AFF2: variants seen among roughly 807,000 people sequenced by gnomAD.
The protein encoded by AFF2 is ALF transcription elongation factor 2.
In AFF2, 14 loss-of-function variants were observed where a neutral mutation model predicts 76.9. That is an observed-to-expected ratio of 0.18 (90% CI 0.12 to 0.28). The LOEUF is 0.28. Ranked by LOEUF, AFF2 falls within the 10% of genes least tolerant of loss-of-function variation. The pLI, the probability that AFF2 is intolerant of heterozygous loss-of-function variation, is 1.00. For missense variants in AFF2, 868 were observed against 1,001.1 expected (o/e 0.87, Z 1.79); for synonymous variants, 398 against 366.7 (o/e 1.09, Z -0.98).
intron 4 of AFF2, among the ~76,000 whole-genome samples, chrX:148,826,440 A>G (rs937639727): frequency 4.5e-5 from 5 of 111,598 alleles, no homozygotes; most frequent in African/African-American, 6.5e-5. Context: ...ATTGATGTTT[A>G]ACAAATACTT....
At chrX:148,799,311 A>C (rs1419526540) in intron 3 of AFF2, among the ~76,000 whole-genome samples, 1 of 111,494 alleles carries the variant, frequency 9.0e-6, no homozygotes, top group Non-Finnish European at 1.9e-5. Flanking sequence ...ATCAAACAAA[A>C]TGGTAATTTT....
chrX:148,890,563 T>C (rs1380175831), intron 8 of AFF2, among the ~76,000 whole-genome samples: 2 of 112,155 alleles, frequency 1.8e-5, no homozygotes, highest in African/African-American at 6.5e-5. Flanking sequence ...CCATCAGATA[T>C]GAATGACCTT....
chrX:148,785,140 TAC>T (rs2069801200), intron 3 of AFF2, among the ~76,000 whole-genome samples: 1 of 112,446 alleles, frequency 8.9e-6, no homozygotes, highest in Admixed American at 9.4e-5. Flanking sequence ...CATGCACATA[TAC>T]ACAGAGTCAC....
intron 7 of AFF2, among the ~76,000 whole-genome samples, chrX:148,847,535 GT>G (rs1196385775): frequency 9.0e-6 from 1 of 111,413 alleles, no homozygotes; most frequent in Admixed American, 9.5e-5. Context: ...CATAATGTTG[GT>G]TTTTTTTAAT....
chrX:148,765,137 C>T (rs1290167068), intron 3 of AFF2, among the ~76,000 whole-genome samples: 3 of 112,126 alleles, frequency 2.7e-5, no homozygotes, highest in Non-Finnish European at 3.8e-5. Context: ...CCTCACGCCT[C>T]GACCTCCCAA....
chrX:148,973,353 A>G, intron 15 of AFF2, 118 bp from the exon 16 acceptor site: 2 of 909,832 alleles, frequency 2.2e-6, no homozygotes, highest in Non-Finnish European at 3.1e-6. Context: ...GTGTCTCCAG[A>G]CATTGCCAAA....
At chrX:148,727,372 G>A (rs1396091874) in intron 3 of AFF2, among the ~76,000 whole-genome samples, 2 of 111,849 alleles carry the variant, frequency 1.8e-5, no homozygotes, top group African/African-American at 6.5e-5. Flanking sequence ...TGTGCATGTT[G>A]TATTTCCACC....
intron 3 of AFF2, among the ~76,000 whole-genome samples, chrX:148,688,796 G>A (rs1225815734): frequency 9.0e-6 from 1 of 111,513 alleles, no homozygotes; most frequent in Non-Finnish European, 1.9e-5. Context: ...CTACAAACCT[G>A]TATGGCAAGC....
intron 19 of AFF2, among the ~76,000 whole-genome samples, chrX:148,981,456 C>G (rs538689463): frequency 1.3e-4 from 14 of 111,084 alleles, no homozygotes; most frequent in Middle Eastern, 9.3e-3. Context: ...GCCCCTTCCT[C>G]TATCTGGGCT....
chrX:148,843,037 A>G, intron 6 of AFF2, 35 bp downstream of exon 6: 1 of 1,137,112 alleles, frequency 8.8e-7, no homozygotes, highest in South Asian at 1.9e-5. Flanking sequence ...TAGTCCAAAC[A>G]TCCATGTCCT....
intron 1 of AFF2, among the ~76,000 whole-genome samples, chrX:148,536,522 C>T (rs1290394034): frequency 1.8e-5 from 2 of 112,201 alleles, no homozygotes; most frequent in Non-Finnish European, 3.8e-5. Flanking sequence ...TATAACTTTT[C>T]TAAGTACTTG....
At chrX:148,939,235 T>A (rs1466738654) in intron 9 of AFF2, among the ~76,000 whole-genome samples, 1 of 111,900 alleles carries the variant, frequency 8.9e-6, no homozygotes, top group Non-Finnish European at 1.9e-5. Context: ...TTATCTATAC[T>A]ACTAGAAGAG....
intron 1 of AFF2, among the ~76,000 whole-genome samples, chrX:148,556,403 C>T (rs1167967127): frequency 5.4e-5 from 6 of 111,893 alleles, no homozygotes; most frequent in Non-Finnish European, 1.9e-5. Flanking sequence ...GTTATATCAG[C>T]ATTTTTGTTT....
intron 3 of AFF2, among the ~76,000 whole-genome samples, chrX:148,801,071 C>G (rs1557270867): frequency 2.7e-5 from 3 of 111,761 alleles, no homozygotes; most frequent in African/African-American, 9.8e-5. Flanking sequence ...ATCTGGCCTT[C>G]TGGATAATAT....
rs370517639 is a variant in AFF2 at position 148,570,219 on chromosome X, A to G, written c.47+69075A>G. ...ATCTACATGGTTATAGACCCTCAGTATGCTTAAGATGAAATTTCATATCAC... is the reference window on the plus strand; with the variant it reads ...ATCTACATGGTTATAGACCCTCAGTGTGCTTAAGATGAAATTTCATATCAC... On this transcript the variant is annotated intron_variant, in intron 1 of 20. Transcript: ENST00000370460. Among the ~76,000 whole-genome samples the G allele has an allele frequency of 8.1e-4, 91 of 112,021 alleles. 1 individual carries two copies. In the South Asian group the frequency reaches 0.033, roughly 40 times the overall value.
At chrX:148,905,074 G>A (rs1265416) in intron 9 of AFF2, among the ~76,000 whole-genome samples, 2,361 of 111,955 alleles carry the variant, frequency 0.021, 19 homozygotes, top group Non-Finnish European at 0.033. Context: ...CTTTATAGTT[G>A]GTACCAAATA....
In AFF2 at chrX:148,991,442, T is replaced by C; in HGVS notation, c.*110T>C. The C allele has an allele frequency of 1.6e-5, 14 of 901,572 alleles. No homozygotes were observed. Among genetic ancestry groups the C allele is most frequent in the Non-Finnish European group, 2.1e-5 (14 of 680,035 alleles). 74.3% of individuals were successfully genotyped at this position (901,572 alleles called of 1,213,427 possible). A position where few individuals can be genotyped will look rare whatever the true frequency, so the allele number is the denominator to read the frequency against. ...TGGGGAACGTTCTCTTTGGTTATGT[T>C]TGTTTTTATGCTTCTTTTGTTATCT... On this transcript the variant is annotated 3_prime_UTR_variant, in exon 21 of 21. Transcript: ENST00000370460.
intron 10 of AFF2, among the ~76,000 whole-genome samples, 164 bp from the exon 11 acceptor site, chrX:148,955,439 G>A (rs1388053455): frequency 1.8e-5 from 2 of 112,422 alleles, no homozygotes; most frequent in African/African-American, 6.5e-5. Context: ...GAATATTATG[G>A]ATAGTGGGTA....
At chrX:148,843,190 C>T (rs2070621840) in intron 6 of AFF2, among the ~76,000 whole-genome samples, 188 bp downstream of exon 6, 1 of 109,473 alleles carries the variant, frequency 9.1e-6, no homozygotes, top group African/African-American at 3.3e-5. Context: ...TGTATCTGGC[C>T]TTTTTCACTT....
Sources: gnomAD v4.1 joint callset for allele counts (sites outside exome capture counted in the v4.1 genomes callset) on GRCh38, gnomAD v4.1.1 for gene constraint, MANE v1.5 for transcripts, NCBI Gene and HGNC (gene_info 2026-07-23, HGNC 2026-07-21) for gene names.